PLD5: variants seen among roughly 807,000 people sequenced by gnomAD.
The protein encoded by PLD5 is inactive phospholipase D5.
A neutral mutation model predicts 61.1 loss-of-function variants in PLD5; 36 were observed. The observed-to-expected ratio is 0.59, with a 90% CI of 0.45 to 0.78. PLD5 has a LOEUF of 0.78. Among genes scored for constraint, PLD5 ranks in the 30% least tolerant of loss-of-function variants. The pLI is 0.00. For missense variants in PLD5, 515 were observed against 644.4 expected (o/e 0.80, Z 2.17); for synonymous variants, 243 against 242.8 (o/e 1.00, Z -0.01).
rs74521722 is a variant in PLD5, at chr1:242,352,385, C to CT, written c.190-4144dup. On this transcript the variant is annotated intron_variant, in intron 1 of 9. Transcript: ENST00000536534. ...CATGTTGGTACAAATTACAAACTTTCTTTTTTCAGGCTGAATACTATTTCG... is the reference window on the plus strand; with the variant it reads ...CATGTTGGTACAAATTACAAACTTTCTTTTTTTCAGGCTGAATACTATTTCG... 2.0e-3 allele frequency among the ~76,000 whole-genome samples: 297 copies of CT among 152,250 alleles called. 8 individuals carry two copies. The East Asian group carries it at 0.044, about 23-fold the overall frequency.
chr1:242,483,533 A>G (rs1667855872), intron 1 of PLD5, among the ~76,000 whole-genome samples: 1 of 152,224 alleles, frequency 6.6e-6, no homozygotes, highest in Non-Finnish European at 1.5e-5. Flanking sequence ...TATGCACCCA[A>G]TACAGGAGCA....
At chr1:242,147,616 C>T (rs1021472880) in intron 5 of PLD5, 1 of 152,186 alleles carries the variant, frequency 6.6e-6, no homozygotes, top group African/African-American at 2.4e-5. Context: ...TGCACCATTT[C>T]CATTTCCACC....
chr1:242,324,195 G>A (rs569465880), intron 2 of PLD5, among the ~76,000 whole-genome samples: 1 of 152,066 alleles, frequency 6.6e-6, no homozygotes, highest in Non-Finnish European at 1.5e-5. Flanking sequence ...AATGACAGCC[G>A]GTTAAAATGT....
At chr1:242,313,213 T>G (rs1393677806) in intron 2 of PLD5, among the ~76,000 whole-genome samples, 4 of 152,262 alleles carry the variant, frequency 2.6e-5, no homozygotes, top group African/African-American at 9.6e-5. Context: ...TCAATGCATG[T>G]GGCACAATGC....
chr1:242,163,171 T>G, intron 5 of PLD5, among the ~76,000 whole-genome samples: 3 of 138,242 alleles, frequency 2.2e-5, no homozygotes, highest in South Asian at 2.3e-4. Flanking sequence ...GACGACGGAG[T>G]CTCACTCTGT....
intron 1 of PLD5, among the ~76,000 whole-genome samples, chr1:242,432,012 C>A (rs968906659): frequency 6.6e-6 from 1 of 152,152 alleles, no homozygotes; most frequent in Admixed American, 6.5e-5. Flanking sequence ...TGACATCATC[C>A]AGCATCACCA....
At chr1:242,189,093 C>T (rs1017547964) in intron 5 of PLD5, among the ~76,000 whole-genome samples, 7 of 152,106 alleles carry the variant, frequency 4.6e-5, no homozygotes, top group Admixed American at 3.3e-4. Context: ...GGGAGCATAA[C>T]TGGTTTGACA....
Position 242,323,312 on chromosome 1 carries a change from C to T in PLD5, c.326+24794G>A, listed in dbSNP as rs1453533602. 3.9e-5 allele frequency among the ~76,000 whole-genome samples: 6 copies of T among 152,192 alleles called. No individual in the cohort carries two copies. In the East Asian group the frequency reaches 1.2e-3, roughly 29 times the overall value. On this transcript the variant is annotated intron_variant, in intron 2 of 9. Coordinates refer to ENST00000536534, the MANE Select transcript of PLD5 (RefSeq NM_001372062.1). ...ACATGTGTGGCTCGTAAAACTGAGG[C>T]TGGGTGATTTATATCCTCAGTTATT...
At chr1:242,157,660 A>T (rs534090959) in intron 5 of PLD5, among the ~76,000 whole-genome samples, 6 of 152,336 alleles carry the variant, frequency 3.9e-5, no homozygotes, top group Admixed American at 6.5e-5. Context: ...TATCACCAGC[A>T]GAGGCTGCAG....
At chr1:242,155,905 T>A (rs545368739) in intron 5 of PLD5, among the ~76,000 whole-genome samples, 2 of 152,242 alleles carry the variant, frequency 1.3e-5, no homozygotes, top group Admixed American at 6.5e-5. Flanking sequence ...TGAATATCCT[T>A]GTTAATTTTC....
chr1:242,514,465 C>G (rs1038438173), intron 1 of PLD5, among the ~76,000 whole-genome samples: 1 of 152,078 alleles, frequency 6.6e-6, no homozygotes, highest in Non-Finnish European at 1.5e-5. Context: ...GGAAGGAACT[C>G]CAGAAAAAGA....
At chr1:242,152,514 C>T (rs1425130408) in intron 5 of PLD5, among the ~76,000 whole-genome samples, 2 of 151,336 alleles carry the variant, frequency 1.3e-5, no homozygotes, top group Non-Finnish European at 2.9e-5. Context: ...TAGCCCCCTA[C>T]CCCCTAACAG....
intron 5 of PLD5, among the ~76,000 whole-genome samples, chr1:242,194,192 G>A (rs1268476538): frequency 6.6e-6 from 1 of 152,098 alleles, no homozygotes; most frequent in Non-Finnish European, 1.5e-5. Flanking sequence ...CAGACATCAG[G>A]CTTCTCATAT....
intron 1 of PLD5, among the ~76,000 whole-genome samples, chr1:242,457,636 C>T (rs1321162246): frequency 6.6e-6 from 1 of 152,170 alleles, no homozygotes; most frequent in Non-Finnish European, 1.5e-5. Flanking sequence ...AAAAGCACCA[C>T]AGCAAGAAAC....
At chr1:242,218,827 CTTCCTTTGCAAGATAA>C (rs1228836843) in intron 5 of PLD5, among the ~76,000 whole-genome samples, 2 of 152,190 alleles carry the variant, frequency 1.3e-5, no homozygotes, top group Non-Finnish European at 2.9e-5. Flanking sequence ...GTCTCAGCTT[CTTCCTTTGCAAGATAA>C]AATTATAAGA....
At chr1:242,375,160 C>G (rs369868094) in intron 1 of PLD5, among the ~76,000 whole-genome samples, 4 of 152,216 alleles carry the variant, frequency 2.6e-5, no homozygotes, top group African/African-American at 9.6e-5. Flanking sequence ...CCTAGCCTCT[C>G]CCTCAGAGTC....
intron 3 of PLD5, among the ~76,000 whole-genome samples, chr1:242,284,388 C>T (rs533201655): frequency 6.6e-6 from 1 of 152,098 alleles, no homozygotes; most frequent in East Asian, 1.9e-4. Flanking sequence ...CTGCCCGCCT[C>T]GGCCTCCCAA....
chr1:242,482,998 A>G (rs1436080517), intron 1 of PLD5, among the ~76,000 whole-genome samples: 4 of 152,206 alleles, frequency 2.6e-5, no homozygotes, highest in Non-Finnish European at 5.9e-5. Context: ...CTTTACAGAC[A>G]AGCAAATGCT....
intron 4 of PLD5, among the ~76,000 whole-genome samples, chr1:242,242,714 T>C (rs758568436): frequency 2.0e-5 from 3 of 152,188 alleles, no homozygotes; most frequent in Non-Finnish European, 4.4e-5. Context: ...AGAATATAGG[T>C]AAAGCACATA....
Sources: gnomAD v4.1 joint callset for allele counts (sites outside exome capture counted in the v4.1 genomes callset) on GRCh38, gnomAD v4.1.1 for gene constraint, MANE v1.5 for transcripts, NCBI Gene and HGNC (gene_info 2026-07-23, HGNC 2026-07-21) for gene names.